Variants in CACNA1C observed in about 807,000 individuals in gnomAD.
CACNA1C encodes the protein voltage-dependent L-type calcium channel subunit alpha-1C.
A neutral mutation model predicts 229.0 loss-of-function variants in CACNA1C; 30 were observed. The observed-to-expected ratio is 0.13, with a 90% confidence interval of 0.10 to 0.18. The LOEUF (loss-of-function observed/expected upper bound fraction) is 0.18, where lower values mean the gene tolerates loss of function less well. CACNA1C is among the 10% of genes least tolerant of loss of function. The pLI is 1.00. For missense variants in CACNA1C, 1,658 were observed against 2,845.0 expected (o/e 0.58, Z 9.49); for synonymous variants, 1,114 against 1,132.5 (o/e 0.98, Z 0.33).
intron 29 of CACNA1C, among the ~76,000 whole-genome samples, chr12:2,623,554 C>T (rs1332682999): frequency 1.3e-5 from 2 of 151,970 alleles, no homozygotes; most frequent in Non-Finnish European, 2.9e-5. Flanking sequence ...TCCAGAGCAC[C>T]CTTTTCCCTC....
At position 2,670,632 on chromosome 12, in the gene CACNA1C, G is replaced by A. The variant is rs541607271; in HGVS notation, c.4726+1597G>A. Among the ~76,000 whole-genome samples the A allele has an allele frequency of 6.6e-5, 10 of 152,066 alleles. No homozygotes were observed. In the East Asian group the frequency reaches 1.6e-3, roughly 24 times the overall value. On this transcript the variant is annotated intron_variant, in intron 38 of 46. Coordinates refer to ENST00000399655, the MANE Select transcript of CACNA1C (RefSeq NM_000719.7). ...TTCCAGCACTTTGAGAGGCCCAGTC[G>A]GGCAGATCCCGAGGTCAGGAGATTG... is the stretch of plus-strand genomic sequence containing the variant.
intron 3 of CACNA1C, among the ~76,000 whole-genome samples, chr12:2,303,396 C>T (rs1433841684): frequency 6.6e-6 from 1 of 152,158 alleles, no homozygotes; most frequent in Non-Finnish European, 1.5e-5. Context: ...TTCACACTTC[C>T]CCTTTCTACA....
chr12:2,596,144 G>T (rs566698278), intron 20 of CACNA1C, 141 bp downstream of exon 20: 1 of 830,214 alleles, frequency 1.2e-6, no homozygotes, highest in South Asian at 2.4e-5. Context: ...TTCATTAAGA[G>T]AGTAGGGCTT....
intron 3 of CACNA1C, among the ~76,000 whole-genome samples, chr12:2,398,554 G>T (rs2098629255): frequency 6.6e-6 from 1 of 152,132 alleles, no homozygotes. Context: ...TGGACAGCTG[G>T]GGGCCTCCAT....
At chr12:2,079,693 T>A (rs1297107250) in intron 1 of CACNA1C, among the ~76,000 whole-genome samples, 2 of 152,082 alleles carry the variant, frequency 1.3e-5, no homozygotes, top group South Asian at 2.1e-4. Flanking sequence ...ATATATATAT[T>A]TTTGCCTCAA....
At position 2,410,215 on chromosome 12, in the gene CACNA1C, C is replaced by G. The variant is rs1244426225; in HGVS notation, c.478-38761C>G. ...CCCGCAGCACTGAGGCTTGGCCAGT[C>G]GTGATGCCTATGGCGACCGCAGAAT... is the stretch of plus-strand genomic sequence containing the variant. On this transcript the variant is annotated intron_variant, in intron 3 of 46. Coordinates refer to ENST00000399655, the MANE Select transcript of CACNA1C (RefSeq NM_000719.7). This position sits in a 1 kb window ranked among gnomAD's most constrained non-coding sequence, Gnocchi z 5.3. 1.3e-5 allele frequency among the ~76,000 whole-genome samples: 2 copies of G among 152,188 alleles called. No individual in the cohort carries two copies. The highest frequency in any genetic ancestry group is 6.5e-5 in the Admixed American group (1 of 15,288).
intron 1 of CACNA1C, among the ~76,000 whole-genome samples, chr12:2,032,900 C>T (rs2048468939): frequency 6.6e-6 from 1 of 152,216 alleles, no homozygotes; most frequent in South Asian, 2.1e-4. Context: ...GAAATAATAA[C>T]ACAAGTCAGG....
intron 3 of CACNA1C, among the ~76,000 whole-genome samples, chr12:2,297,072 G>T (rs541425067): frequency 4.2e-4 from 64 of 152,268 alleles, no homozygotes; most frequent in South Asian, 8.3e-4. Context: ...AATATCCATG[G>T]TAAGAAGAAA....
rs2074774923 is a variant in CACNA1C, at chr12:2,605,281, T to G, written c.3048+113T>G. The G allele has an allele frequency of 4.2e-6, 3 of 719,296 alleles. No homozygotes were observed. 44.6% of individuals were successfully genotyped at this position (719,296 alleles called of 1,614,324 possible). ...TGATGGTCAGACCAAGTGGCTGCCA[T>G]GTGGGGTCCCGGACACTGGTCCCAC... On this transcript the variant is annotated intron_variant, in intron 23 of 46. Coordinates refer to ENST00000399655, the MANE Select transcript of CACNA1C (RefSeq NM_000719.7). This position sits in a 1 kb window ranked among gnomAD's most constrained non-coding sequence, Gnocchi z 6.2.
chr12:2,007,042 C>T (rs79396018), intron 1 of CACNA1C, among the ~76,000 whole-genome samples: 1,575 of 152,268 alleles, frequency 0.01, 35 homozygotes, highest in African/African-American at 0.036. Flanking sequence ...GACCTCTTTG[C>T]TCTTAATCAC....
intron 3 of CACNA1C, among the ~76,000 whole-genome samples, chr12:2,170,610 G>A (rs1188225535): frequency 6.6e-6 from 1 of 152,272 alleles, no homozygotes; most frequent in East Asian, 1.9e-4. Flanking sequence ...TGAAGAGTGA[G>A]GGAGTTGAGG....
chr12:2,051,557 T>A (rs1437960666), upstream of CACNA1C, among the ~76,000 whole-genome samples: 1 of 152,136 alleles, frequency 6.6e-6, no homozygotes, highest in Non-Finnish European at 1.5e-5. Flanking sequence ...GGGTGAAGGA[T>A]GCTGGTTCAG....
intron 27 of CACNA1C, among the ~76,000 whole-genome samples, chr12:2,609,439 T>C (rs1166434633): frequency 6.6e-6 from 1 of 151,732 alleles, no homozygotes; most frequent in East Asian, 1.9e-4. Flanking sequence ...GCCAGTCCCC[T>C]GTGGGTTTTC....
intron 3 of CACNA1C, among the ~76,000 whole-genome samples, chr12:2,219,469 A>G (rs551953676): frequency 1.3e-5 from 2 of 152,314 alleles, no homozygotes; most frequent in East Asian, 3.9e-4. Flanking sequence ...TTACCTGGCC[A>G]TCTAGAAACC....
At chr12:2,155,115 A>G (rs2095491574) in intron 3 of CACNA1C, among the ~76,000 whole-genome samples, 1 of 152,190 alleles carries the variant, frequency 6.6e-6, no homozygotes, top group Non-Finnish European at 1.5e-5. Flanking sequence ...ACAGGCGCAC[A>G]CATACACAGA....
At chr12:2,051,048 A>G (rs747148520), upstream of CACNA1C, among the ~76,000 whole-genome samples, 2 of 152,214 alleles carry the variant, frequency 1.3e-5, no homozygotes, top group Admixed American at 6.5e-5. Flanking sequence ...GTTAATGAAT[A>G]AGTAAACTAT....
chr12:2,674,496 C>T lies in CACNA1C; in HGVS notation c.4727-45C>T, dbSNP rs2096708987. 9.7e-6 allele frequency: 15 copies of T among 1,542,898 alleles called. No individual in the cohort carries two copies. The East Asian group carries it at 3.4e-4, about 35-fold the overall frequency. ...CTACCTTACGCAGAGGGACCCAGCC[C>T]ATCAGAGGCCCACCAAGGGGCTGAG... is the stretch of plus-strand genomic sequence containing the variant. On this transcript the variant is annotated intron_variant, in intron 38 of 46. Transcript: ENST00000399655.
At chr12:2,378,816 T>TCCTC (rs1491101266) in intron 3 of CACNA1C, among the ~76,000 whole-genome samples, 1 of 103,878 alleles carries the variant, frequency 9.6e-6, no homozygotes, top group African/African-American at 3.2e-5. Context: ...CTTCCTTCCT[T>TCCTC]CCTCTCTCTC....
intron 12 of CACNA1C, among the ~76,000 whole-genome samples, 184 bp from the exon 13 acceptor site, chr12:2,567,385 A>C (rs1167395012): frequency 6.6e-6 from 1 of 152,164 alleles, no homozygotes; most frequent in Admixed American, 6.5e-5. Context: ...GTCTGTTATG[A>C]TTGTGACGAG....
Sources: gnomAD v4.1 joint callset for allele counts (sites outside exome capture counted in the v4.1 genomes callset) on GRCh38, gnomAD v4.1.1 for gene constraint, Gnocchi (gnomAD v3.1) non-coding constraint, MANE v1.5 for transcripts, NCBI Gene and HGNC (gene_info 2026-07-23, HGNC 2026-07-21) for gene names.